Variants in LRRC37A2 observed in about 807,000 individuals in gnomAD.
LRRC37A2 encodes the protein leucine-rich repeat-containing protein 37A2.
Under a neutral mutation model 68.8 loss-of-function variants are expected in LRRC37A2, and 9 were observed. The ratio of observed to expected loss-of-function variants is 0.13; its 90% CI spans 0.08 to 0.23. The LOEUF is 0.23. Among genes scored for constraint, LRRC37A2 ranks in the 10% least tolerant of loss-of-function variants. The pLI, the probability that LRRC37A2 is intolerant of heterozygous loss-of-function variation, is 1.00. For synonymous variants in LRRC37A2, 63 were observed against 367.6 expected, an observed-to-expected ratio of 0.17 and a Z score of 9.48; for missense variants, 168 against 950.4, an observed-to-expected ratio of 0.18 and a Z score of 10.82.
chr17:46,894,719 C>T, the LRRC37A2 span, among the ~76,000 whole-genome samples: 9 of 152,242 alleles, frequency 5.9e-5, no homozygotes, highest in African/African-American at 2.2e-4. Context: ...GCTCACTCCC[C>T]CCACCTGGCG....
the LRRC37A2 span, among the ~76,000 whole-genome samples, chr17:46,797,535 A>G: frequency 2.6e-5 from 4 of 152,336 alleles, no homozygotes; most frequent in Non-Finnish European, 5.9e-5. Context: ...GGGAAAAACA[A>G]TCTCAAAGAT....
At chr17:46,874,980 C>A in the LRRC37A2 span, 1 of 1,474,260 alleles carries the variant, frequency 6.8e-7, no homozygotes, top group Non-Finnish European at 9.5e-7. Flanking sequence ...TCTTGTCCTG[C>A]CCATCACAGC....
the LRRC37A2 span, among the ~76,000 whole-genome samples, chr17:46,779,103 A>ACACACACACCC: frequency 5.8e-4 from 77 of 133,650 alleles, 3 homozygotes; most frequent in Admixed American, 5.5e-4. Context: ...ACACACACAC[A>ACACACACACCC]CCCCAGCCCA....
the LRRC37A2 span, among the ~76,000 whole-genome samples, chr17:47,045,043 G>A: frequency 6.9e-6 from 1 of 144,550 alleles, no homozygotes; most frequent in South Asian, 2.4e-4. Context: ...TTGTGGCAGA[G>A]GTAAGGCTGC....
chr17:46,906,690 G>A, the LRRC37A2 span, among the ~76,000 whole-genome samples: 1 of 151,996 alleles, frequency 6.6e-6, no homozygotes, highest in Non-Finnish European at 1.5e-5. Flanking sequence ...TATGAGAAAG[G>A]TGCTCTGATT....
At chr17:46,926,493 A>T in the LRRC37A2 span, among the ~76,000 whole-genome samples, 8 of 152,070 alleles carry the variant, frequency 5.3e-5, no homozygotes, top group Admixed American at 3.9e-4. Flanking sequence ...ATTTGCTACT[A>T]TTTCTCTGCT....
At chr17:46,708,732 G>A in the LRRC37A2 span, among the ~76,000 whole-genome samples, 12 of 147,142 alleles carry the variant, frequency 8.2e-5, no homozygotes, top group Admixed American at 2.0e-4. Flanking sequence ...GACCTCAAGC[G>A]ATCCACCTAC....
At chr17:46,739,705 C>A in the LRRC37A2 span, among the ~76,000 whole-genome samples, 1 of 150,724 alleles carries the variant, frequency 6.6e-6, no homozygotes, top group African/African-American at 2.5e-5. Context: ...TTAATATTTT[C>A]TTCCACCAAA....
At chr17:46,988,850 G>A in the LRRC37A2 span, among the ~76,000 whole-genome samples, 3 of 152,196 alleles carry the variant, frequency 2.0e-5, no homozygotes, top group African/African-American at 7.2e-5. Flanking sequence ...CTAAGTGCTA[G>A]GGAATCACAG....
chr17:46,869,375 C>T, the LRRC37A2 span, among the ~76,000 whole-genome samples: 2 of 152,202 alleles, frequency 1.3e-5, no homozygotes, highest in Non-Finnish European at 2.9e-5. Flanking sequence ...GTTTGAGACC[C>T]ATTGCTCCCT....
chr17:46,527,326 TCTA>T (rs2052902386), intron 6 of LRRC37A2, among the ~76,000 whole-genome samples: 1 of 79,700 alleles, frequency 1.3e-5, no homozygotes, highest in South Asian at 5.7e-4. Flanking sequence ...TTCCCCCCAG[TCTA>T]CTGACATCAG....
At chr17:46,697,185 C>G in the LRRC37A2 span, among the ~76,000 whole-genome samples, 1 of 145,890 alleles carries the variant, frequency 6.9e-6, no homozygotes, top group African/African-American at 2.6e-5. Context: ...AAATAATGAG[C>G]ACATGGTAGG....
chr17:46,965,226 A>G, the LRRC37A2 span, among the ~76,000 whole-genome samples: 1 of 152,212 alleles, frequency 6.6e-6, no homozygotes, highest in African/African-American at 2.4e-5. Flanking sequence ...TTCTCACTGC[A>G]ATTGCAAACC....
At chr17:46,976,088 G>A in the LRRC37A2 span, among the ~76,000 whole-genome samples, 2 of 151,696 alleles carry the variant, frequency 1.3e-5, no homozygotes, top group Non-Finnish European at 2.9e-5. Context: ...CACCACGCCC[G>A]GCTAATTTTT....
At chr17:46,424,546 GA>G in the LRRC37A2 span, among the ~76,000 whole-genome samples, 1 of 105,438 alleles carries the variant, frequency 9.5e-6, no homozygotes, top group Admixed American at 9.1e-5. Flanking sequence ...CTTTCCAAAG[GA>G]AATCTTAAGG....
the LRRC37A2 span, among the ~76,000 whole-genome samples, chr17:47,006,542 G>A: frequency 6.6e-6 from 1 of 152,184 alleles, no homozygotes; most frequent in Non-Finnish European, 1.5e-5. Flanking sequence ...AATCCGGGAG[G>A]CAGAGGTTGC....
chr17:46,900,539 G>A, the LRRC37A2 span, among the ~76,000 whole-genome samples: 5 of 152,088 alleles, frequency 3.3e-5, no homozygotes, highest in Admixed American at 2.6e-4. Context: ...CGTAAGCCAC[G>A]GTGCCTGGCC....
chr17:46,951,094 C>G, the LRRC37A2 span, among the ~76,000 whole-genome samples: 1 of 152,190 alleles, frequency 6.6e-6, no homozygotes, highest in African/African-American at 2.4e-5. Flanking sequence ...AGGAGCCACG[C>G]CAAAGGCTTC....
chr17:46,768,779 G>A, the LRRC37A2 span: 2 of 1,613,900 alleles, frequency 1.2e-6, no homozygotes, highest in Non-Finnish European at 1.7e-6. The surrounding 1 kb of genome is among the most constrained non-coding windows in gnomAD (Gnocchi z 5.0). Flanking sequence ...TGCATTTGAG[G>A]TGCATGTGGT....
Sources: gnomAD v4.1 joint callset for allele counts (sites outside exome capture counted in the v4.1 genomes callset) on GRCh38, gnomAD v4.1.1 for gene constraint, Gnocchi (gnomAD v3.1) non-coding constraint, MANE v1.5 for transcripts, NCBI Gene and HGNC (gene_info 2026-07-23, HGNC 2026-07-21) for gene names.